CLSTN3: variants seen among roughly 807,000 people sequenced by gnomAD.
The protein encoded by CLSTN3 is calsyntenin 3.
In CLSTN3, 36 loss-of-function variants were observed where a neutral mutation model predicts 95.9. The ratio of observed to expected loss-of-function variants is 0.38; its 90% CI spans 0.29 to 0.50. The LOEUF (loss-of-function observed/expected upper bound fraction) is 0.50, where lower values mean the gene tolerates loss of function less well. Among genes scored for constraint, CLSTN3 ranks in the 20% least tolerant of loss-of-function variants. The pLI is 0.95. For synonymous variants in CLSTN3, 481 were observed against 504.0 expected (o/e 0.95, Z 0.61); for missense variants, 1,084 against 1,268.8 (o/e 0.85, Z 2.21).
chr12:7,138,829 C>CAAAAAAAAA (rs5796259), intron 8 of CLSTN3: 5 of 43,224 alleles, frequency 1.2e-4, no homozygotes, highest in Non-Finnish European at 1.9e-4. Context: ...AAGCAAACGG[C>CAAAAAAAAA]AAAAAAAAAA....
chr12:7,144,054 C>T (rs1343697109), intron 12 of CLSTN3, among the ~76,000 whole-genome samples: 1 of 152,086 alleles, frequency 6.6e-6, no homozygotes. Context: ...TGGTGAAACC[C>T]TGTCTCTACT....
In CLSTN3 at chr12:7,157,494, C is replaced by T. The variant is rs184811198; in HGVS notation, c.2533C>T (p.Pro845Ser). 1 of 1,576,978 alleles carries T rather than the reference C, an allele frequency of 6.3e-7. No homozygotes were observed. The highest frequency in any genetic ancestry group is 8.6e-7 in the Non-Finnish European group (1 of 1,160,188). ...LASSHRNSMI[P>S]SAATLIIVVC... The stretch of plus-strand genomic sequence containing the variant: ...CCCCCGCGCTCTCTCTGCAGTGATA[C>T]CCAGCGCCGCAACCCTCATCATTGT... The change falls in exon 17 of 18, where the codon CCC becomes TCC. Residue 845 changes from proline to serine, a missense_variant. Coordinates refer to ENST00000266546, the MANE Select transcript of CLSTN3 (RefSeq NM_014718.4). This position sits in a 1 kb window ranked among gnomAD's most constrained non-coding sequence, Gnocchi z 5.9.
At position 7,133,787 on chromosome 12, in the gene CLSTN3, C is replaced by T. The variant is rs754248568; in HGVS notation, c.383+19C>T. On this transcript the variant is annotated intron_variant, in intron 3 of 17. Coordinates refer to ENST00000266546, the MANE Select transcript of CLSTN3 (RefSeq NM_014718.4). The surrounding 1 kb of genome is among the most constrained non-coding windows in gnomAD (Gnocchi z 4.7). The stretch of plus-strand genomic sequence containing the variant: ...CCCACAAGTGAGGAAGTCCTTGTCT[C>T]CTGCCCCATGTGTTGCAGGGTCCTC... The T allele has an allele frequency of 7.1e-6, 11 of 1,540,390 alleles. 1 individual carries two copies. The highest frequency in any genetic ancestry group is 9.6e-6 in the Non-Finnish European group (11 of 1,145,502).
chr12:7,142,848 G>C, intron 10 of CLSTN3, 21 bp from the exon 11 acceptor site: 2 of 1,609,230 alleles, frequency 1.2e-6, no homozygotes, highest in Non-Finnish European at 1.7e-6. Context: ...CTCCCGTCCT[G>C]CTCCTGTGTT....
Position 7,141,993 on chromosome 12 carries a change from T to C in CLSTN3, c.1487-93T>C, listed in dbSNP as rs762072779. On this transcript the variant is annotated intron_variant, in intron 9 of 17. Transcript: ENST00000266546. The surrounding 1 kb of genome is among the most constrained non-coding windows in gnomAD (Gnocchi z 4.1). The stretch of plus-strand genomic sequence containing the variant: ...TCCCATGTGGGCATGAGAGCACTCA[T>C]GGGGATGAGAGGAAGACATCTCATT... 9.9e-7 allele frequency: 1 copy of C among 1,012,488 alleles called. No individual in the cohort carries two copies. Among genetic ancestry groups the C allele is most frequent in the South Asian group, 1.5e-5 (1 of 64,794 alleles). The allele number at this position is 1,012,488 out of a possible 1,614,324, so 62.7% of individuals were successfully genotyped here.
chr12:7,135,101 T>C (rs1026439858), intron 3 of CLSTN3, among the ~76,000 whole-genome samples: 1 of 152,096 alleles, frequency 6.6e-6, no homozygotes, highest in Non-Finnish European at 1.5e-5. Flanking sequence ...AGTATAAGGC[T>C]GTATCTCGTT....
At position 7,135,751 on chromosome 12, in the gene CLSTN3, G is replaced by A. The variant is rs1939400323; in HGVS notation, c.593-53G>A. ...TGATCTCAGACATCCTCCCCTCCCTGCCCTGGGCTTTCTCCAATGCTCTAA... is the reference window on the plus strand; with the variant it reads ...TGATCTCAGACATCCTCCCCTCCCTACCCTGGGCTTTCTCCAATGCTCTAA... On this transcript the variant is annotated intron_variant, in intron 4 of 17. Coordinates refer to ENST00000266546, the MANE Select transcript of CLSTN3 (RefSeq NM_014718.4). 2.6e-6 allele frequency: 4 copies of A among 1,549,536 alleles called. No homozygotes were observed. In the East Asian group the frequency reaches 9.0e-5, roughly 35 times the overall value.
chr12:7,149,532 C>A lies in CLSTN3; in HGVS notation c.2084C>A (p.Thr695Lys), dbSNP rs201679632. Reference protein sequence around the residue: ...DESWQGTVTDTRMSDEIVHNL... With the variant: ...DESWQGTVTDKRMSDEIVHNL... ...ACTATCCCCAACCCAGTGACAGACA[C>A]ACGCATGTCGGATGAGATTGTGCAC... Residue 695 changes from threonine to lysine, a missense_variant, in exon 14 of 18, where the codon ACA becomes AAA. Physicochemically the swap from Thr to Lys is moderately conservative, Grantham distance 78. Transcript: ENST00000266546. The surrounding 1 kb of genome is among the most constrained non-coding windows in gnomAD (Gnocchi z 4.5). 101 of 1,612,174 alleles carry A rather than the reference C, an allele frequency of 6.3e-5. No individual in the cohort carries two copies. The highest frequency in any genetic ancestry group is 8.4e-5 in the Non-Finnish European group (99 of 1,178,954).
Position 7,145,314 on chromosome 12 carries a change from C to T in CLSTN3, c.1847+2003C>T, listed in dbSNP as rs116142806. ...CTACATGGTTGGTGCTATCCTAATA[C>T]TTCCCTGAGGTCACGGGAGAAAATA... On this transcript the variant is annotated intron_variant, in intron 12 of 17. Transcript: ENST00000266546. 8.6e-3 allele frequency among the ~76,000 whole-genome samples: 1,305 copies of T among 151,664 alleles called. 20 individuals carry two copies. The highest frequency in any genetic ancestry group is 0.03 in the African/African-American group (1,225 of 41,344).
intron 10 of CLSTN3, among the ~76,000 whole-genome samples, chr12:7,142,478 C>A (rs1461625746): frequency 6.6e-6 from 1 of 152,112 alleles, no homozygotes; most frequent in Non-Finnish European, 1.5e-5. Context: ...CCATCCTGGT[C>A]TCCCTGCATG....
upstream of CLSTN3, chr12:7,130,049 G>A (rs967777498): frequency 4.9e-6 from 1 of 205,120 alleles, no homozygotes; most frequent in South Asian, 7.2e-5. Context: ...GAGTTGGGGG[G>A]CGGGGTGACG....
At position 7,158,360 on chromosome 12, in the gene CLSTN3, A is replaced by G; in HGVS notation, c.*279A>G. 1 of 325,326 alleles carries G rather than the reference A, an allele frequency of 3.1e-6. No individual in the cohort carries two copies. The allele number at this position is 325,326 out of a possible 1,614,324, so 20.2% of individuals were successfully genotyped here. ...TGGGCTGGACTTCAGCTGCCTTTCT[A>G]CCCCCAATGGCAGCTGCCCCCTTAG... On this transcript the variant is annotated 3_prime_UTR_variant, in exon 18 of 18. Transcript: ENST00000266546.
chr12:7,132,623 T>G lies in CLSTN3; in HGVS notation c.65-401T>G, dbSNP rs750334146. ...TCTAGTTTCAATTCTGCCCTTAATCTATCCCTTCCCTTTCCCAGGGCCTTC... is the reference window on the plus strand; with the variant it reads ...TCTAGTTTCAATTCTGCCCTTAATCGATCCCTTCCCTTTCCCAGGGCCTTC... On this transcript the variant is annotated intron_variant, in intron 1 of 17. Coordinates refer to ENST00000266546, the MANE Select transcript of CLSTN3 (RefSeq NM_014718.4). The G allele has an allele frequency of 5.6e-5, 26 of 461,886 alleles. No homozygotes were observed. In the East Asian group the frequency reaches 9.1e-4, roughly 16 times the overall value. 28.6% of individuals were successfully genotyped at this position (461,886 alleles called of 1,614,324 possible).
chr12:7,140,942 A>G (rs777596467), intron 8 of CLSTN3, among the ~76,000 whole-genome samples: 12 of 152,190 alleles, frequency 7.9e-5, no homozygotes, highest in Non-Finnish European at 1.8e-4. Flanking sequence ...TATGTAATAC[A>G]TAAGTTCGGG....
intron 1 of CLSTN3, chr12:7,131,740 G>GCCTCGCCT (rs1939306277): frequency 1.6e-5 from 7 of 437,568 alleles, no homozygotes; most frequent in South Asian, 9.3e-5. Flanking sequence ...TCTGACCTCA[G>GCCTCGCCT]CCTCGCCTCC....
At chr12:7,156,982 G>T in intron 16 of CLSTN3, 3 of 367,500 alleles carry the variant, frequency 8.2e-6, no homozygotes, top group South Asian at 6.1e-5. Flanking sequence ...CCCAGCCTCA[G>T]GTGCTAGTGC....
upstream of CLSTN3, chr12:7,129,572 C>T: frequency 1.0e-6 from 1 of 978,440 alleles, no homozygotes; most frequent in South Asian, 4.7e-5. The surrounding 1 kb of genome is among the most constrained non-coding windows in gnomAD (Gnocchi z 5.5). Context: ...TTCTCTCCCT[C>T]TGAGTCATCG....
At chr12:7,153,462 A>G (rs749132054) in intron 16 of CLSTN3, among the ~76,000 whole-genome samples, 1 of 152,136 alleles carries the variant, frequency 6.6e-6, no homozygotes, top group South Asian at 2.1e-4. Context: ...CGCCTTTTTC[A>G]GTGTTCTACT....
In CLSTN3 at chr12:7,133,087, C is replaced by T. The variant is rs754683810; in HGVS notation, c.128C>T (p.Thr43Met). The part of the protein sequence containing the change: ...YQGIVMENDN[T>M]VLLNPPLFAL... ...GGCATCGTCATGGAGAATGACAACA[C>T]GGTCCTACTGAATCCACCACTCTTT... Residue 43 changes from threonine (T) to methionine (M), a missense_variant, in exon 2 of 18, where the codon ACG becomes ATG. By Grantham distance (81) the Thr-to-Met change is moderately conservative. Transcript: ENST00000266546. The surrounding 1 kb of genome is among the most constrained non-coding windows in gnomAD (Gnocchi z 4.7). 1.5e-5 allele frequency: 25 copies of T among 1,613,966 alleles called. No homozygotes were observed. The highest frequency in any genetic ancestry group is 4.5e-5 in the East Asian group (2 of 44,894).
Sources: gnomAD v4.1 joint callset for allele counts (sites outside exome capture counted in the v4.1 genomes callset) on GRCh38, gnomAD v4.1.1 for gene constraint, Gnocchi (gnomAD v3.1) non-coding constraint, MANE v1.5 for transcripts, NCBI Gene and HGNC (gene_info 2026-07-23, HGNC 2026-07-21) for gene names.